The following OIP5 variants were observed in gnomAD, a reference collection of about 807,000 sequenced individuals.
OIP5 encodes Opa interacting protein 5.
OIP5 carries 24 observed loss-of-function variants against 20.3 expected under a neutral mutation model. The ratio of observed to expected loss-of-function variants is 1.18; its 90% confidence interval spans 0.86 to 1.66. The LOEUF is 1.66. Among genes scored for constraint, OIP5 ranks in the 40% most tolerant of loss-of-function variants. The pLI is 0.00. For synonymous variants in OIP5, 143 were observed against 121.3 expected, an observed-to-expected ratio of 1.18 and a Z score of -1.17; for missense variants, 339 against 289.5, an observed-to-expected ratio of 1.17 and a Z score of -1.24.
chr15:41,322,041 A>G (rs1389186147), intron 2 of OIP5, among the ~76,000 whole-genome samples: 1 of 152,220 alleles, frequency 6.6e-6, no homozygotes, highest in Non-Finnish European at 1.5e-5. Flanking sequence ...ATCCTCTGAA[A>G]AGATTACTGA....
At chr15:41,314,168 C>T (rs1423049382) in intron 3 of OIP5, among the ~76,000 whole-genome samples, 1 of 152,032 alleles carries the variant, frequency 6.6e-6, no homozygotes, top group Non-Finnish European at 1.5e-5. Flanking sequence ...GTGGTACAAT[C>T]TCAGCTCACT....
At chr15:41,319,074 CT>C (rs755273212) in intron 3 of OIP5, among the ~76,000 whole-genome samples, 306 of 141,150 alleles carry the variant, frequency 2.2e-3, no homozygotes, top group Middle Eastern at 3.6e-3. Flanking sequence ...TGTCTTTTTT[CT>C]TTTTTTTTTT....
chr15:41,320,665 TC>T (rs1238185739), intron 2 of OIP5, among the ~76,000 whole-genome samples: 1 of 152,078 alleles, frequency 6.6e-6, no homozygotes, highest in Non-Finnish European at 1.5e-5. Context: ...TGCCTTGGCC[TC>T]CCAAAGTGCC....
intron 3 of OIP5, among the ~76,000 whole-genome samples, chr15:41,317,144 T>C (rs1364069582): frequency 6.6e-6 from 1 of 152,210 alleles, no homozygotes; most frequent in Non-Finnish European, 1.5e-5. Flanking sequence ...TCTGACACTA[T>C]GAGGCTACAT....
chr15:41,323,972 G>T (rs1486418949), intron 2 of OIP5, among the ~76,000 whole-genome samples: 2 of 146,058 alleles, frequency 1.4e-5, no homozygotes, highest in African/African-American at 5.1e-5. Context: ...TAAATCTCAT[G>T]AACCAACCTC....
chr15:41,318,135 C>A (rs188684852), intron 3 of OIP5, among the ~76,000 whole-genome samples: 66 of 152,220 alleles, frequency 4.3e-4, no homozygotes, highest in African/African-American at 1.5e-3. Flanking sequence ...CAAAAGCTTG[C>A]CTTCTAGAAT....
chr15:41,331,547 T>C (rs1011446512), intron 2 of OIP5, among the ~76,000 whole-genome samples: 3 of 152,214 alleles, frequency 2.0e-5, no homozygotes, highest in Non-Finnish European at 4.4e-5. Context: ...AGCGCACCAG[T>C]GCACTCCAGC....
At position 41,331,962 on chromosome 15, in the gene OIP5, AACG is replaced by A; in HGVS notation, c.339_341del (p.Val114del). On this transcript the variant is annotated inframe_deletion, in exon 2 of 5. Transcript: ENST00000220514. ...TGCCAACTAGGAAGGGCGCTTCCAAAACGACGTTATTTGTAACTCCTAGGAAGA... is the reference window on the plus strand; with the variant it reads ...TGCCAACTAGGAAGGGCGCTTCCAAAACGTTATTTGTAACTCCTAGGAAGA... The A allele has an allele frequency of 6.2e-7, 1 of 1,614,036 alleles. No individual in the cohort carries two copies. The highest frequency in any genetic ancestry group is 1.1e-5 in the South Asian group (1 of 91,070).
chr15:41,322,383 A>C (rs769491260), intron 2 of OIP5, among the ~76,000 whole-genome samples: 2 of 152,210 alleles, frequency 1.3e-5, no homozygotes, highest in Non-Finnish European at 2.9e-5. Context: ...AATTGTATTA[A>C]TATATAGTAT....
At chr15:41,331,749 A>G (rs2047917834) in intron 2 of OIP5, among the ~76,000 whole-genome samples, 166 bp downstream of exon 2, 1 of 152,162 alleles carries the variant, frequency 6.6e-6, no homozygotes, top group Non-Finnish European at 1.5e-5. Flanking sequence ...TCCTAAAACC[A>G]ATACACAAAT....
At chr15:41,328,623 G>T (rs969261070) in intron 2 of OIP5, among the ~76,000 whole-genome samples, 3 of 152,116 alleles carry the variant, frequency 2.0e-5, no homozygotes, top group African/African-American at 7.2e-5. Context: ...AAGTAACCTT[G>T]TATCTGTCTA....
intron 2 of OIP5, among the ~76,000 whole-genome samples, chr15:41,323,646 T>A (rs952642558): frequency 6.6e-6 from 1 of 152,056 alleles, no homozygotes. Flanking sequence ...AATTTTTAAA[T>A]TTTTCGTAGA....
chr15:41,311,779 G>A (rs1326972352), intron 4 of OIP5, among the ~76,000 whole-genome samples: 1 of 151,990 alleles, frequency 6.6e-6, no homozygotes, highest in Non-Finnish European at 1.5e-5. Flanking sequence ...TCACCATCTT[G>A]GCCAGGCTGA....
chr15:41,330,225 G>A (rs571222653), intron 2 of OIP5, among the ~76,000 whole-genome samples: 5 of 151,794 alleles, frequency 3.3e-5, no homozygotes, highest in African/African-American at 1.2e-4. Flanking sequence ...TGGGATTACA[G>A]CCTAGCTGGG....
intron 2 of OIP5, 87 bp downstream of exon 2, chr15:41,331,828 A>T: frequency 1.8e-6 from 2 of 1,086,942 alleles, no homozygotes; most frequent in Non-Finnish European, 2.8e-6. Flanking sequence ...AGCATCCCAA[A>T]CTGTTTTCTC....
chr15:41,326,990 G>C (rs981748847), intron 2 of OIP5, among the ~76,000 whole-genome samples: 2 of 151,566 alleles, frequency 1.3e-5, no homozygotes, highest in Non-Finnish European at 2.9e-5. Flanking sequence ...ATAACAGTCT[G>C]TGAATCTACA....
intron 3 of OIP5, among the ~76,000 whole-genome samples, chr15:41,314,402 C>T (rs561842700): frequency 6.6e-6 from 1 of 151,952 alleles, no homozygotes; most frequent in African/African-American, 2.4e-5. Context: ...CCCAGCCTTC[C>T]TCACTTCTTT....
At position 41,319,659 on chromosome 15, in the gene OIP5, A is replaced by G; in HGVS notation, c.511T>C (p.Cys171Arg). The G allele has an allele frequency of 6.2e-7, 1 of 1,612,514 alleles. No individual in the cohort carries two copies. The highest frequency in any genetic ancestry group is 1.1e-5 in the South Asian group (1 of 90,790). Reference sequence around the variant, plus strand: ...TGATCAATATCTAAGTCTACTCACCACACCATTTTGTCACTGGAAAGGCAG... The same window carrying G: ...TGATCAATATCTAAGTCTACTCACCGCACCATTTTGTCACTGGAAAGGCAG... ...HFCLSSDKMVCYLLKTKAIVN... is the reference protein window; with the variant it reads ...HFCLSSDKMVRYLLKTKAIVN... Residue 171 changes from cysteine to arginine, a missense_variant and splice_region_variant, in exon 3 of 5, where the codon TGC (cysteine) becomes CGC (arginine). Physicochemically the swap from Cys to Arg is radical, Grantham distance 180. Transcript: ENST00000220514.
chr15:41,319,719 T>C lies in OIP5; in HGVS notation c.451A>G (p.Thr151Ala), dbSNP rs1432912149. 1 of 1,613,760 alleles carries C rather than the reference T, an allele frequency of 6.2e-7. No individual in the cohort carries two copies. Among genetic ancestry groups the C allele is most frequent in the East Asian group, 2.2e-5 (1 of 44,862 alleles). ...GIPVGFHLYS[T>A]HAALAALRGH... The stretch of plus-strand genomic sequence containing the variant: ...CTCAAGGCAGCCAGGGCAGCATGGG[T>C]AGAATACAGATGGAAACCAACGGGA... The change falls in exon 3 of 5, where the codon ACC becomes GCC. Residue 151 changes from threonine to alanine, a missense_variant. Thr to Ala is a moderately conservative substitution (Grantham distance 58). Coordinates refer to ENST00000220514, the MANE Select transcript of OIP5 (RefSeq NM_007280.2).
Sources: allele counts gnomAD v4.1 joint callset (sites outside exome capture counted in the v4.1 genomes callset), GRCh38; gene constraint gnomAD v4.1.1; transcripts MANE v1.5; gene names NCBI Gene and HGNC (gene_info 2026-07-23, HGNC 2026-07-21).